The following SAMMSON variants were observed in gnomAD, a reference collection of about 807,000 sequenced individuals.
The protein encoded by SAMMSON is long intergenic non-protein coding RNA 1212.
At chr3:70,018,252 A>G (rs1485620292) in intron 3 of SAMMSON, among the ~76,000 whole-genome samples, 1 of 152,092 alleles carries the variant, frequency 6.6e-6, no homozygotes, top group Non-Finnish European at 1.5e-5. Flanking sequence ...TTATTGCCTC[A>G]ATTTCAGAGC....
intron 6 of SAMMSON, among the ~76,000 whole-genome samples, chr3:70,271,272 A>T (rs6549320): frequency 0.98 from 148,925 of 152,134 alleles, 72,940 homozygotes; most frequent in Non-Finnish European, 1. Flanking sequence ...TAGGCAGGTA[A>T]GTAAATCATG....
intron 4 of SAMMSON, among the ~76,000 whole-genome samples, chr3:70,105,087 AT>A (rs967118029): frequency 6.6e-5 from 10 of 150,456 alleles, no homozygotes; most frequent in South Asian, 2.1e-4. Flanking sequence ...TCAGGGAGAG[AT>A]TTTTTTTTTC....
intron 6 of SAMMSON, among the ~76,000 whole-genome samples, chr3:70,290,228 A>T (rs1702218878): frequency 6.6e-6 from 1 of 152,032 alleles, no homozygotes; most frequent in East Asian, 1.9e-4. Flanking sequence ...TGATGTACAG[A>T]TGGGTTTTTG....
chr3:70,006,176 G>A (rs1270155619), intron 1 of SAMMSON, among the ~76,000 whole-genome samples: 1 of 152,146 alleles, frequency 6.6e-6, no homozygotes, highest in African/African-American at 2.4e-5. Flanking sequence ...AAACAGATTA[G>A]TGTCATTAGG....
At chr3:70,185,894 T>G (rs1283092959) in intron 4 of SAMMSON, among the ~76,000 whole-genome samples, 1 of 152,002 alleles carries the variant, frequency 6.6e-6, no homozygotes, top group African/African-American at 2.4e-5. Context: ...GGAGGATCAC[T>G]TGAGTCTAGG....
At chr3:70,130,929 TA>T (rs2067480040) in intron 4 of SAMMSON, among the ~76,000 whole-genome samples, 1 of 152,200 alleles carries the variant, frequency 6.6e-6, no homozygotes, top group African/African-American at 2.4e-5. Context: ...ATGAGTACAA[TA>T]ACTGGTTGTT....
chr3:70,409,948 C>T (rs542947801), intron 2 of SAMMSON, among the ~76,000 whole-genome samples: 1 of 152,226 alleles, frequency 6.6e-6, no homozygotes, highest in African/African-American at 2.4e-5. Context: ...TAATACCCAA[C>T]AGTTTTTCAA....
intron 2 of SAMMSON, among the ~76,000 whole-genome samples, chr3:70,418,976 TCC>T (rs1491305073): frequency 2.3e-5 from 2 of 86,620 alleles, no homozygotes; most frequent in Admixed American, 1.2e-4. Flanking sequence ...TTTCCTTCCT[TCC>T]TTCTCTCTCT....
chr3:70,034,611 C>T (rs763575208), intron 3 of SAMMSON, among the ~76,000 whole-genome samples: 14 of 152,020 alleles, frequency 9.2e-5, no homozygotes, highest in Non-Finnish European at 1.3e-4. Context: ...TGGGAGGCCA[C>T]GGTGGGCTGA....
chr3:70,055,275 A>G (rs1267750528), intron 3 of SAMMSON, among the ~76,000 whole-genome samples: 2 of 152,166 alleles, frequency 1.3e-5, no homozygotes, highest in Non-Finnish European at 2.9e-5. Context: ...AAGTTTCCAT[A>G]ATAAAGAATT....
At chr3:70,305,139 A>C (rs572482660) in intron 7 of SAMMSON, among the ~76,000 whole-genome samples, 2 of 152,324 alleles carry the variant, frequency 1.3e-5, no homozygotes, top group East Asian at 3.9e-4. Flanking sequence ...CAAAGCTTCG[A>C]AACAATTACC....
intron 4 of SAMMSON, among the ~76,000 whole-genome samples, chr3:70,142,922 A>G (rs4974258): frequency 0.71 from 108,320 of 151,956 alleles, 39,022 homozygotes; most frequent in Non-Finnish European, 0.76. Context: ...TTGAGTCCCT[A>G]TTTCACATGG....
Position 70,137,770 on chromosome 3 carries a change from T to A in SAMMSON, n.507+66205T>A, listed in dbSNP as rs369994189. 2.6e-5 allele frequency: 4 copies of A among 152,330 alleles called. No individual in the cohort carries two copies. The East Asian group carries it at 5.8e-4, about 22-fold the overall frequency. The allele number at this position is 152,330 out of a possible 1,614,324, so 9.4% of individuals were successfully genotyped here. A position where few individuals can be genotyped will look rare whatever the true frequency, so the allele number is the denominator to read the frequency against. On this transcript the variant is annotated intron_variant and non_coding_transcript_variant, in intron 4 of 9. Transcript: ENST00000642114. ...TTATCATTTCAGCATGTACTTAATATAAAACATTATTGAAATTTTTTACAC... is the reference window on the plus strand; with the variant it reads ...TTATCATTTCAGCATGTACTTAATAAAAAACATTATTGAAATTTTTTACAC...
At chr3:70,303,786 A>G (rs1379393296) in intron 7 of SAMMSON, among the ~76,000 whole-genome samples, 1 of 152,010 alleles carries the variant, frequency 6.6e-6, no homozygotes, top group Non-Finnish European at 1.5e-5. Flanking sequence ...GGTTCCAGAG[A>G]TTCTCTTGCC....
chr3:70,083,971 G>T (rs1171706355), intron 4 of SAMMSON, among the ~76,000 whole-genome samples: 1 of 152,142 alleles, frequency 6.6e-6, no homozygotes, highest in Non-Finnish European at 1.5e-5. Context: ...CACTTACATA[G>T]CTATGATTCC....
intron 4 of SAMMSON, among the ~76,000 whole-genome samples, chr3:70,090,722 C>T (rs1392781740): frequency 1.3e-5 from 2 of 150,794 alleles, no homozygotes; most frequent in Non-Finnish European, 2.9e-5. Context: ...AAAAGTACAG[C>T]TTTTATTGGC....
chr3:70,243,149 T>A (rs1360642326), intron 4 of SAMMSON, among the ~76,000 whole-genome samples: 1 of 152,162 alleles, frequency 6.6e-6, no homozygotes, highest in Non-Finnish European at 1.5e-5. Flanking sequence ...CCTGTGCCTT[T>A]TGTCTTCTGC....
intron 4 of SAMMSON, among the ~76,000 whole-genome samples, chr3:70,112,564 T>C (rs1385621697): frequency 6.6e-6 from 1 of 152,028 alleles, no homozygotes; most frequent in Non-Finnish European, 1.5e-5. Context: ...GGGTAGAAAA[T>C]AGGATAGAAG....
At chr3:70,126,607 G>A in intron 4 of SAMMSON, 1 of 378,868 alleles carries the variant, frequency 2.6e-6, no homozygotes. Context: ...ATAGAGAGCT[G>A]GCATTTTCAA....
Sources: gnomAD v4.1 joint callset for allele counts (sites outside exome capture counted in the v4.1 genomes callset) on GRCh38, gnomAD v4.1.1 for gene constraint, MANE v1.5 for transcripts, NCBI Gene and HGNC (gene_info 2026-07-23, HGNC 2026-07-21) for gene names.